Variants in LSS observed in about 807,000 individuals in gnomAD.
The protein encoded by LSS is 2,3-epoxysqualene-lanosterol cyclase.
Under a neutral mutation model 110.3 loss-of-function variants are expected in LSS, and 90 were observed. The observed-to-expected ratio is 0.82, with a 90% CI of 0.69 to 0.97. The LOEUF (loss-of-function observed/expected upper bound fraction) is 0.97, where lower values mean the gene tolerates loss of function less well. Among genes scored for constraint, LSS ranks in the 50% least tolerant of loss-of-function variants. The probability of loss-of-function intolerance (pLI) is 0.00; values close to 1 mark genes in which losing one functional copy is unlikely to be tolerated. For synonymous variants in LSS, 433 were observed against 400.0 expected (o/e 1.08, Z -0.98); for missense variants, 927 against 990.0 (o/e 0.94, Z 0.85).
chr21:46,192,217 T>A (rs1033467454), intron 20 of LSS: 4 of 567,844 alleles, frequency 7.0e-6, no homozygotes, highest in African/African-American at 1.9e-5. Flanking sequence ...TGCCCTGGTG[T>A]TCCCCCCTGA....
At position 46,215,671 on chromosome 21, in the gene LSS, C is replaced by G; in HGVS notation, c.892+14G>C. On this transcript the variant is annotated intron_variant, in intron 8 of 21. Coordinates refer to ENST00000397728, the MANE Select transcript of LSS (RefSeq NM_002340.6). ...ACCCTGGGCTGCCCTGCCGGCCCCT[C>G]AGGAGGCGCTCACCATATACCACGC... 6.3e-7 allele frequency: 1 copy of G among 1,586,374 alleles called. No individual in the cohort carries two copies. Among genetic ancestry groups the G allele is most frequent in the Non-Finnish European group, 8.6e-7 (1 of 1,160,650 alleles).
intron 3 of LSS, among the ~76,000 whole-genome samples, chr21:46,226,450 T>C: frequency 6.6e-6 from 1 of 152,202 alleles, no homozygotes; most frequent in East Asian, 1.9e-4. Flanking sequence ...TGACTTCCCC[T>C]AAGGACAGGC....
At chr21:46,222,471 C>A in intron 4 of LSS, 159 bp downstream of exon 4, 1 of 621,428 alleles carries the variant, frequency 1.6e-6, no homozygotes. Context: ...GCATGGCCTT[C>A]AGCCCACTCC....
chr21:46,226,726 C>A (rs75982414), intron 3 of LSS, among the ~76,000 whole-genome samples: 1,969 of 152,252 alleles, frequency 0.013, 44 homozygotes, highest in African/African-American at 0.045. Context: ...AACATATAAG[C>A]CTATTGCAAC....
chr21:46,215,727 C>T lies in LSS; in HGVS notation c.850G>A (p.Glu284Lys), dbSNP rs762752296. ...AGCCAGCTGTGCGGCGTGTACAGCT[C>T]GTCGGGGGCCACGTTGTTCCTCTGC... ...LAQRNNVAPD[E>K]LYTPHSWLLR... Residue 284 changes from glutamate to lysine, a missense_variant, in exon 8 of 22, where the codon GAG becomes AAG. Coordinates refer to ENST00000397728, the MANE Select transcript of LSS (RefSeq NM_002340.6). The T allele has an allele frequency of 2.2e-5, 35 of 1,612,712 alleles. No homozygotes were observed. The highest frequency in any genetic ancestry group is 2.8e-5 in the Non-Finnish European group (33 of 1,179,494).
rs771339490 is a variant in LSS, at chr21:46,205,836, C to A, written c.1670G>T (p.Arg557Leu). 1 of 1,599,056 alleles carries A rather than the reference C, an allele frequency of 6.3e-7. No homozygotes were observed. The change falls in exon 17 of 22, where the codon CGG becomes CTG. Residue 557 changes from arginine (R) to leucine (L), a missense_variant and splice_region_variant. Transcript: ENST00000397728. ...ACTGAATGGCTGAGACCCTCCTTAC[C>A]GGATCTCCGCTGCCCTGTGCTCCGG... ...RFPEHRAAEI[R>L]ETLTQGLEFC...
At chr21:46,223,068 A>G (rs1241342435) in intron 3 of LSS, among the ~76,000 whole-genome samples, 1 of 152,230 alleles carries the variant, frequency 6.6e-6, no homozygotes, top group Non-Finnish European at 1.5e-5. Context: ...CTGAAGGTCC[A>G]AAAGGAACCA....
rs769318899 is a variant in LSS at position 46,207,417 on chromosome 21, C to CA, written c.1467+10dup. ...GAGGTATGGACGGGGCTGCTGGGAC[C>CA]ACAGCCTTACCACAGCCACAGCATC... On this transcript the variant is annotated intron_variant, in intron 15 of 21. Transcript: ENST00000397728. The CA allele has an allele frequency of 6.2e-7, 1 of 1,610,992 alleles. No homozygotes were observed. Among genetic ancestry groups the CA allele is most frequent in the South Asian group, 1.1e-5 (1 of 90,440 alleles).
intron 17 of LSS, among the ~76,000 whole-genome samples, chr21:46,202,634 A>C (rs2079994050): frequency 6.6e-6 from 1 of 152,178 alleles, no homozygotes; most frequent in South Asian, 2.1e-4. Context: ...CTGTAATCCC[A>C]GCATTTGGGG....
rs1257814859 is a variant in LSS at position 46,222,647 on chromosome 21, A to G, written c.411T>C (p.Pro137=). 7 of 1,613,504 alleles carry G rather than the reference A, an allele frequency of 4.3e-6. No individual in the cohort carries two copies. In the Admixed American group the frequency reaches 6.7e-5, roughly 15 times the overall value. The part of the protein sequence containing the change: ...IVRYLRSVQL[P]DGGWGLHIED... ...ACACTCACAGGCCCCAGCCACCGTC[A>G]GGGAGCTGCACTGACCGCAGGTACC... Residue 137 remains proline, a synonymous_variant, in exon 4 of 22, where the codon CCT becomes CCC. Coordinates refer to ENST00000397728, the MANE Select transcript of LSS (RefSeq NM_002340.6).
At chr21:46,222,509 C>T in intron 4 of LSS, 121 bp downstream of exon 4, 1 of 826,356 alleles carries the variant, frequency 1.2e-6, no homozygotes, top group Non-Finnish European at 1.9e-6. Context: ...CCTCACCCAC[C>T]CCACACCCAC....
At chr21:46,198,603 G>A (rs1569020329) in intron 17 of LSS, among the ~76,000 whole-genome samples, 1 of 152,126 alleles carries the variant, frequency 6.6e-6, no homozygotes, top group Non-Finnish European at 1.5e-5. Flanking sequence ...ACTGAAGTGA[G>A]AACAGGGGCG....
chr21:46,192,655 G>A (rs574772701), intron 20 of LSS: 16 of 451,784 alleles, frequency 3.5e-5, no homozygotes, highest in Admixed American at 3.1e-4. Flanking sequence ...ACAGGTGCCT[G>A]TGCATGTGTA....
At chr21:46,220,956 GT>G (rs1301299188) in intron 5 of LSS, among the ~76,000 whole-genome samples, 3 of 149,574 alleles carry the variant, frequency 2.0e-5, no homozygotes, top group Non-Finnish European at 4.5e-5. Context: ...GAGGTAGACA[GT>G]TGGGGCTTGG....
At position 46,216,431 on chromosome 21, in the gene LSS, C is replaced by A. The variant is rs1444730868; in HGVS notation, c.741G>T (p.Arg247=). ...CCAGCGGGTCTTCCGCGGCACTCAG[C>A]CGAACGGCGTAGCAGTAGCTCATGG... ...YLPMSYCYAV[R]LSAAEDPLVQ... The change falls in exon 7 of 22, where the codon CGG becomes CGT. Residue 247 remains arginine (R), a synonymous_variant. Transcript: ENST00000397728. This position sits in a 1 kb window ranked among gnomAD's most constrained non-coding sequence, Gnocchi z 4.2. The A allele has an allele frequency of 1.9e-6, 3 of 1,613,844 alleles. No homozygotes were observed. The highest frequency in any genetic ancestry group is 3.3e-5 in the Admixed American group (2 of 60,016).
chr21:46,189,847 T>A lies in LSS; in HGVS notation c.*1257A>T, dbSNP rs1303882738. Reference sequence around the variant, plus strand: ...CCTCCCAGTAGCCAGGGGAGAGCAGTGACAGTCTCAGGTGGCCCTGAGCAT... The same window carrying A: ...CCTCCCAGTAGCCAGGGGAGAGCAGAGACAGTCTCAGGTGGCCCTGAGCAT... On this transcript the variant is annotated 3_prime_UTR_variant, in exon 22 of 22. Transcript: ENST00000397728. 2 of 393,700 alleles carry A rather than the reference T, an allele frequency of 5.1e-6. No homozygotes were observed. The highest frequency in any genetic ancestry group is 3.6e-5 in the South Asian group (2 of 55,726). The allele number at this position is 393,700 out of a possible 1,614,324, so 24.4% of individuals were successfully genotyped here.
At chr21:46,195,838 A>G in intron 18 of LSS, 82 bp from the exon 19 acceptor site, 1 of 1,165,670 alleles carries the variant, frequency 8.6e-7, no homozygotes, top group Non-Finnish European at 1.3e-6. Context: ...TGCAACAATC[A>G]CACGTGCCCC....
At chr21:46,211,420 C>T (rs1056263588) in intron 11 of LSS, among the ~76,000 whole-genome samples, 8 of 152,182 alleles carry the variant, frequency 5.3e-5, no homozygotes, top group African/African-American at 1.9e-4. Flanking sequence ...TGAGCCACCG[C>T]ACCTGGCCAA....
chr21:46,212,955 C>T, intron 11 of LSS, 70 bp downstream of exon 11: 1 of 1,595,506 alleles, frequency 6.3e-7, no homozygotes, highest in Non-Finnish European at 8.6e-7. Flanking sequence ...TTCTGAACCC[C>T]AAAGGAAAAA....
Sources: gnomAD v4.1 joint callset for allele counts (sites outside exome capture counted in the v4.1 genomes callset) on GRCh38, gnomAD v4.1.1 for gene constraint, Gnocchi (gnomAD v3.1) non-coding constraint, MANE v1.5 for transcripts, NCBI Gene and HGNC (gene_info 2026-07-23, HGNC 2026-07-21) for gene names.